Variants in SPIDR observed in about 807,000 individuals in gnomAD.
SPIDR encodes scaffold protein involved in DNA repair.
Under a neutral mutation model 104.6 loss-of-function variants are expected in SPIDR, and 93 were observed. The ratio of observed to expected loss-of-function variants is 0.89; its 90% confidence interval spans 0.75 to 1.06. The LOEUF (loss-of-function observed/expected upper bound fraction) is 1.06, where lower values mean the gene tolerates loss of function less well. SPIDR is among the 50% of genes least tolerant of loss of function. The pLI is 0.00. For missense variants in SPIDR, 1,154 were observed against 1,111.2 expected, an observed-to-expected ratio of 1.04 and a Z score of -0.55; for synonymous variants, 431 against 416.9, an observed-to-expected ratio of 1.03 and a Z score of -0.41.
intron 7 of SPIDR, among the ~76,000 whole-genome samples, chr8:47,409,113 G>A (rs184054289): frequency 1.3e-5 from 2 of 152,312 alleles, no homozygotes; most frequent in East Asian, 3.9e-4. Context: ...TTGAACCCAG[G>A]AGGCGGAGTC....
chr8:47,493,787 G>A (rs2079067747), intron 8 of SPIDR, among the ~76,000 whole-genome samples: 1 of 152,080 alleles, frequency 6.6e-6, no homozygotes. Context: ...AAGGTTTTGG[G>A]TTTTTTATAT....
intron 8 of SPIDR, among the ~76,000 whole-genome samples, chr8:47,545,688 A>T (rs2089233821): frequency 6.6e-6 from 1 of 152,150 alleles, no homozygotes; most frequent in Admixed American, 6.6e-5. Flanking sequence ...CAGAAGTGAG[A>T]ATAGACATTC....
At chr8:47,528,539 G>A (rs888591427) in intron 8 of SPIDR, among the ~76,000 whole-genome samples, 4 of 152,094 alleles carry the variant, frequency 2.6e-5, no homozygotes, top group African/African-American at 9.7e-5. Flanking sequence ...TAATATGTTA[G>A]GGGCTCTAAA....
chr8:47,408,503 G>T (rs1438449580), intron 7 of SPIDR, among the ~76,000 whole-genome samples: 2 of 152,088 alleles, frequency 1.3e-5, no homozygotes, highest in African/African-American at 4.8e-5. Context: ...TCTAGGACTG[G>T]TTTAGCTTAT....
chr8:47,272,350 A>C lies in SPIDR; in HGVS notation c.34-7512A>C, dbSNP rs369294252. On this transcript the variant is annotated intron_variant, in intron 1 of 19. Coordinates refer to ENST00000297423, the MANE Select transcript of SPIDR (RefSeq NM_001080394.4). ...TAATTTCTGGATATTAAATTCTCCC[A>C]TCCCCTCCCCAGGGTTTCTGTTTGT... Among the ~76,000 whole-genome samples the C allele has an allele frequency of 5.3e-5, 8 of 152,288 alleles. No individual in the cohort carries two copies. In the South Asian group the frequency reaches 6.2e-4, roughly 12 times the overall value.
intron 5 of SPIDR, among the ~76,000 whole-genome samples, chr8:47,343,631 C>A (rs1193958208): frequency 1.3e-5 from 2 of 152,130 alleles, no homozygotes; most frequent in Non-Finnish European, 2.9e-5. Flanking sequence ...AGCTGCAGGA[C>A]CTCAGAAAGC....
intron 8 of SPIDR, among the ~76,000 whole-genome samples, chr8:47,588,330 T>C (rs1011621028): frequency 4.0e-5 from 6 of 151,144 alleles, no homozygotes; most frequent in South Asian, 2.1e-4. Flanking sequence ...GTCTTTTTTT[T>C]TTTTTAGTTT....
intron 8 of SPIDR, among the ~76,000 whole-genome samples, chr8:47,474,625 A>T (rs1267620244): frequency 1.3e-5 from 2 of 152,218 alleles, no homozygotes; most frequent in African/African-American, 4.8e-5. Context: ...GGAGTTCTCA[A>T]TCTCTTCCCT....
At chr8:47,665,627 A>G (rs1244219634) in intron 10 of SPIDR, among the ~76,000 whole-genome samples, 1 of 152,230 alleles carries the variant, frequency 6.6e-6, no homozygotes, top group Non-Finnish European at 1.5e-5. Flanking sequence ...AAATGTTAAG[A>G]CTAGTTGTCT....
chr8:47,640,691 T>TTGC (rs2068729655), intron 10 of SPIDR, among the ~76,000 whole-genome samples: 1 of 151,440 alleles, frequency 6.6e-6, no homozygotes, highest in Admixed American at 6.6e-5. Context: ...GTTGTTGTTG[T>TTGC]TTTTGAGACG....
chr8:47,733,476 T>C (rs2085613575), intron 19 of SPIDR, among the ~76,000 whole-genome samples: 1 of 152,230 alleles, frequency 6.6e-6, no homozygotes, highest in South Asian at 2.1e-4. Flanking sequence ...TTGCTGGCTT[T>C]TTCCAAGTCA....
At chr8:47,599,711 G>A (rs1353342245) in intron 10 of SPIDR, among the ~76,000 whole-genome samples, 1 of 152,216 alleles carries the variant, frequency 6.6e-6, no homozygotes, top group Non-Finnish European at 1.5e-5. Context: ...GACAAATGTA[G>A]TAGAAGTGAT....
chr8:47,294,463 G>A (rs1248498887), intron 5 of SPIDR: 1 of 158,992 alleles, frequency 6.3e-6, no homozygotes, highest in African/African-American at 2.4e-5. Context: ...GAAGTGTTAT[G>A]TACCAGGGAA....
At chr8:47,281,490 AAT>A (rs368777150) in intron 2 of SPIDR, among the ~76,000 whole-genome samples, 45 of 152,312 alleles carry the variant, frequency 3.0e-4, no homozygotes, top group African/African-American at 1.1e-3. Context: ...GGATATTCTA[AAT>A]TACTTGTTAT....
chr8:47,661,950 C>T (rs1036557254), intron 10 of SPIDR, among the ~76,000 whole-genome samples: 7 of 152,164 alleles, frequency 4.6e-5, no homozygotes, highest in Non-Finnish European at 1.0e-4. Context: ...TAGTCAGCCC[C>T]GTTCTCACTT....
rs1180128573 is a variant in SPIDR, at chr8:47,718,375, AT to A, written c.2341+4744del. ...TTTTGCATGTATTAAGATGAAAATT[AT>A]TTTTTTTTTCTGTGCCCTCATTTTA... On this transcript the variant is annotated intron_variant, in intron 16 of 19. Transcript: ENST00000297423. Among the ~76,000 whole-genome samples the A allele has an allele frequency of 2.1e-3, 309 of 150,396 alleles. 1 individual carries two copies. Among genetic ancestry groups the A allele is most frequent in the Admixed American group, 6.0e-3 (90 of 15,060 alleles).
At chr8:47,300,955 T>C (rs2041976301) in intron 5 of SPIDR, among the ~76,000 whole-genome samples, 1 of 152,204 alleles carries the variant, frequency 6.6e-6, no homozygotes, top group Admixed American at 6.5e-5. Flanking sequence ...TGTAGATGTC[T>C]ATTAGGTCCG....
chr8:47,712,147 A>G (rs1426190460), intron 14 of SPIDR, among the ~76,000 whole-genome samples: 1 of 152,244 alleles, frequency 6.6e-6, no homozygotes, highest in African/African-American at 2.4e-5. Context: ...ATAAGAAAAA[A>G]ATGAAAAAAT....
At chr8:47,459,395 C>T (rs2073561721) in intron 8 of SPIDR, among the ~76,000 whole-genome samples, 1 of 152,044 alleles carries the variant, frequency 6.6e-6, no homozygotes. Context: ...TATTCAGCAT[C>T]CTCTAGGTTT....
Sources: gnomAD v4.1 joint callset for allele counts (sites outside exome capture counted in the v4.1 genomes callset) on GRCh38, gnomAD v4.1.1 for gene constraint, MANE v1.5 for transcripts, NCBI Gene and HGNC (gene_info 2026-07-23, HGNC 2026-07-21) for gene names.